The following ABHD12B variants were observed in gnomAD, a reference collection of about 807,000 sequenced individuals.
The protein encoded by ABHD12B is abhydrolase domain containing 12B.
Under a neutral mutation model 50.4 loss-of-function variants are expected in ABHD12B, and 42 were observed. The ratio of observed to expected loss-of-function variants is 0.83; its 90% confidence interval spans 0.65 to 1.08. The LOEUF is 1.08. ABHD12B is among the 50% of genes least tolerant of loss of function. The pLI is 0.00. For missense variants in ABHD12B, 479 were observed against 447.7 expected, an observed-to-expected ratio of 1.07 and a Z score of -0.63; for synonymous variants, 167 against 160.3, an observed-to-expected ratio of 1.04 and a Z score of -0.32.
chr14:50,872,354 C>A, intron 1 of ABHD12B, 76 bp downstream of exon 1: 1 of 1,083,632 alleles, frequency 9.2e-7, no homozygotes, highest in Non-Finnish European at 1.2e-6. Flanking sequence ...GGGGCCAGGG[C>A]GCGGCCGAGG....
chr14:50,904,327 C>G lies in ABHD12B; in HGVS notation c.1062-12C>G. 6.2e-7 allele frequency: 1 copy of G among 1,612,864 alleles called. No homozygotes were observed. Among genetic ancestry groups the G allele is most frequent in the South Asian group, 1.1e-5 (1 of 91,036 alleles). On this transcript the variant is annotated splice_polypyrimidine_tract_variant and intron_variant, in intron 12 of 12. Coordinates refer to ENST00000337334, the MANE Select transcript of ABHD12B (RefSeq NM_001206673.2). ...GAAAGGGTGTGAGCTGATCTGGGTC[C>G]TTTTTCTACAGAGATTTCCTGAGCA...
In ABHD12B at chr14:50,896,395, C is replaced by T. The variant is rs565067262; in HGVS notation, c.781-5434C>T. 3.0e-3 allele frequency among the ~76,000 whole-genome samples: 453 copies of T among 152,270 alleles called. 2 individuals carry two copies. The highest frequency in any genetic ancestry group is 0.01 in the African/African-American group (424 of 41,560). Reference sequence around the variant, plus strand: ...TATTAATATAAGAAGGCAGGAATGTCAGGCCTCTGAGCCCAAGCCAAGCCA... The same window carrying T: ...TATTAATATAAGAAGGCAGGAATGTTAGGCCTCTGAGCCCAAGCCAAGCCA... On this transcript the variant is annotated intron_variant, in intron 9 of 12. Transcript: ENST00000337334.
rs1479302228 is a variant in ABHD12B at position 50,894,671 on chromosome 14, G to A, written c.780+5768G>A. 3.3e-5 allele frequency among the ~76,000 whole-genome samples: 5 copies of A among 151,876 alleles called. 1 individual carries two copies. In the South Asian group the frequency reaches 6.2e-4, roughly 19 times the overall value. Reference sequence around the variant, plus strand: ...AATTCTTGTTGTAAAATAGGCAAACGGTCTGAGGTGCCTGACGTCCAGGCA... The same window carrying A: ...AATTCTTGTTGTAAAATAGGCAAACAGTCTGAGGTGCCTGACGTCCAGGCA... On this transcript the variant is annotated intron_variant, in intron 9 of 12. Transcript: ENST00000337334.
In ABHD12B at chr14:50,890,466, GGT is replaced by G. The variant is rs765105120; in HGVS notation, c.780+1564_780+1565del. On this transcript the variant is annotated intron_variant, in intron 9 of 12. Transcript: ENST00000337334. Reference sequence around the variant, plus strand: ...GATGGAATTCTTAGATGAATTTTACGGTAATCATGTCTATGCATTTATTTATA... The same window carrying G: ...GATGGAATTCTTAGATGAATTTTACGAATCATGTCTATGCATTTATTTATA... Among the ~76,000 whole-genome samples the G allele has an allele frequency of 2.6e-5, 4 of 152,134 alleles. No homozygotes were observed. In the South Asian group the frequency reaches 8.3e-4, roughly 32 times the overall value.
chr14:50,890,208 G>A (rs913352269), intron 9 of ABHD12B, among the ~76,000 whole-genome samples: 2 of 152,042 alleles, frequency 1.3e-5, no homozygotes, highest in African/African-American at 4.8e-5. Flanking sequence ...TAAATTGTAG[G>A]TATGTAACAT....
chr14:50,875,621 G>A (rs1289040762), intron 1 of ABHD12B, among the ~76,000 whole-genome samples: 1 of 152,170 alleles, frequency 6.6e-6, no homozygotes, highest in Non-Finnish European at 1.5e-5. Context: ...GGCTGAAACT[G>A]CATCCTCTGC....
At chr14:50,899,170 C>A (rs550240768) in intron 9 of ABHD12B, among the ~76,000 whole-genome samples, 47 of 152,222 alleles carry the variant, frequency 3.1e-4, no homozygotes, top group Middle Eastern at 3.4e-3. Flanking sequence ...CCAGCCTGGC[C>A]AACAAGAATG....
At chr14:50,894,401 C>T (rs533922986) in intron 9 of ABHD12B, among the ~76,000 whole-genome samples, 1 of 152,004 alleles carries the variant, frequency 6.6e-6, no homozygotes, top group Non-Finnish European at 1.5e-5. Context: ...ACCCCTTCTC[C>T]ATGTCTCTAC....
At chr14:50,880,285 C>T (rs1023753426) in intron 3 of ABHD12B, among the ~76,000 whole-genome samples, 167 bp from the exon 4 acceptor site, 3 of 152,074 alleles carry the variant, frequency 2.0e-5, no homozygotes, top group East Asian at 1.9e-4. Context: ...TTGTGGTTCT[C>T]GTCATAAGAC....
chr14:50,879,313 C>T (rs1415379807), intron 3 of ABHD12B, among the ~76,000 whole-genome samples: 1 of 152,186 alleles, frequency 6.6e-6, no homozygotes, highest in East Asian at 1.9e-4. Context: ...GTGCTTGTCC[C>T]TTTTGACAAT....
intron 7 of ABHD12B, 47 bp downstream of exon 7, chr14:50,885,942 T>C (rs771628405): frequency 2.5e-6 from 4 of 1,609,040 alleles, no homozygotes; most frequent in Middle Eastern, 2.0e-4. Flanking sequence ...CTTGAGGCTT[T>C]AGTGTCCTAT....
chr14:50,902,494 A>G (rs1482443054), intron 10 of ABHD12B, among the ~76,000 whole-genome samples: 1 of 152,174 alleles, frequency 6.6e-6, no homozygotes, highest in Admixed American at 6.5e-5. Flanking sequence ...ACAAACAAAC[A>G]AACAAAAAAC....
intron 8 of ABHD12B, among the ~76,000 whole-genome samples, chr14:50,886,967 G>A (rs938415896): frequency 1.3e-5 from 2 of 152,068 alleles, no homozygotes; most frequent in African/African-American, 4.8e-5. Flanking sequence ...TGTAATCCCA[G>A]CACTTTGGGA....
At chr14:50,887,558 T>C (rs553328266) in intron 8 of ABHD12B, among the ~76,000 whole-genome samples, 46 of 152,350 alleles carry the variant, frequency 3.0e-4, no homozygotes, top group South Asian at 1.0e-3. Context: ...TGTGTGTGTT[T>C]TGCTCATCTT....
chr14:50,876,015 A>AG (rs2142717897), intron 1 of ABHD12B, among the ~76,000 whole-genome samples: 1 of 152,272 alleles, frequency 6.6e-6, no homozygotes, highest in South Asian at 2.1e-4. Flanking sequence ...AGCTGGAAGG[A>AG]GGCACAGTTC....
chr14:50,894,430 C>T (rs2050165897), intron 9 of ABHD12B, among the ~76,000 whole-genome samples: 1 of 151,882 alleles, frequency 6.6e-6, no homozygotes, highest in Non-Finnish European at 1.5e-5. Context: ...CTGGGCTTGC[C>T]TCCTTCACTA....
At chr14:50,900,610 C>T (rs73284788) in intron 9 of ABHD12B, among the ~76,000 whole-genome samples, 17,919 of 152,116 alleles carry the variant, frequency 0.12, 1,567 homozygotes, top group African/African-American at 0.24. Flanking sequence ...AAAACAGCTC[C>T]GAAGAAATAG....
In ABHD12B at chr14:50,878,852, G is replaced by A. The variant is rs774179275; in HGVS notation, c.335+5G>A. On this transcript the variant is annotated splice_donor_5th_base_variant and intron_variant, in intron 3 of 12. Transcript: ENST00000337334. ...TGGGGTGATGCTAGGGATCTGGTGAGTGCACGGATGGGACACCGGGTTGCT... is the reference window on the plus strand; with the variant it reads ...TGGGGTGATGCTAGGGATCTGGTGAATGCACGGATGGGACACCGGGTTGCT... 5.0e-6 allele frequency: 8 copies of A among 1,611,986 alleles called. No homozygotes were observed. Among genetic ancestry groups the A allele is most frequent in the Non-Finnish European group, 6.8e-6 (8 of 1,178,248 alleles).
intron 1 of ABHD12B, among the ~76,000 whole-genome samples, chr14:50,873,987 A>C (rs2049823950): frequency 6.6e-6 from 1 of 152,202 alleles, no homozygotes; most frequent in Non-Finnish European, 1.5e-5. Flanking sequence ...ATTGGCTACC[A>C]TAAGATGTGC....
Sources: gnomAD v4.1 joint callset for allele counts (sites outside exome capture counted in the v4.1 genomes callset) on GRCh38, gnomAD v4.1.1 for gene constraint, MANE v1.5 for transcripts, NCBI Gene and HGNC (gene_info 2026-07-23, HGNC 2026-07-21) for gene names.